Variants in GLOD5 observed in about 807,000 individuals in gnomAD.
GLOD5 encodes the protein glyoxalase domain-containing protein 5.
In GLOD5, 7 loss-of-function variants were observed where a neutral mutation model predicts 9.9. The observed-to-expected ratio is 0.71, with a 90% CI of 0.40 to 1.33. The LOEUF (loss-of-function observed/expected upper bound fraction) is 1.33, where lower values mean the gene tolerates loss of function less well. GLOD5 is among the 40% of genes most tolerant of loss of function. The pLI is 0.01. For synonymous variants in GLOD5, 49 were observed against 47.3 expected (o/e 1.04, Z -0.14); for missense variants, 146 against 128.4 (o/e 1.14, Z -0.66).
At chrX:48,761,920 T>G (rs2062597315) in intron 1 of GLOD5, 67 bp downstream of exon 1, 3 of 849,959 alleles carry the variant, frequency 3.5e-6, no homozygotes, top group Non-Finnish European at 3.4e-6. Context: ...TAGTAACCTG[T>G]TTCCCTTCTC....
chrX:48,769,341 C>CA (rs782793826), intron 2 of GLOD5, among the ~76,000 whole-genome samples: 410 of 39,895 alleles, frequency 0.01, 3 homozygotes, highest in Admixed American at 0.025. Flanking sequence ...ACTGTCTCTA[C>CA]AAAAAAAAAA....
At chrX:48,773,285 C>T (rs1313691125) in intron 3 of GLOD5, 25 bp from the exon 4 acceptor site, 23 of 1,205,245 alleles carry the variant, frequency 1.9e-5, no homozygotes, top group Non-Finnish European at 2.6e-5. Flanking sequence ...TGACGAACGA[C>T]TTTTGTCTTT....
chrX:48,767,958 C>T (rs897770523), intron 2 of GLOD5, among the ~76,000 whole-genome samples: 2 of 111,056 alleles, frequency 1.8e-5, no homozygotes, highest in Non-Finnish European at 3.8e-5. Flanking sequence ...CTTGAGGAAT[C>T]GCAAACAGGA....
At chrX:48,770,885 T>TTTAA in intron 2 of GLOD5, 42 bp from the exon 3 acceptor site, 2 of 1,070,666 alleles carry the variant, frequency 1.9e-6, no homozygotes, top group Non-Finnish European at 2.5e-6. Context: ...ATCTTGGAGG[T>TTTAA]TTAATTCTAG....
Sources: gnomAD v4.1 joint callset for allele counts (sites outside exome capture counted in the v4.1 genomes callset) on GRCh38, gnomAD v4.1.1 for gene constraint, MANE v1.5 for transcripts, NCBI Gene and HGNC (gene_info 2026-07-23, HGNC 2026-07-21) for gene names.